CALN1: variants seen among roughly 807,000 people sequenced by gnomAD.
CALN1 encodes calneuron 1.
CALN1 carries 17 observed loss-of-function variants against 30.6 expected under a neutral mutation model. The observed-to-expected ratio is 0.56, with a 90% CI of 0.38 to 0.83. The LOEUF (loss-of-function observed/expected upper bound fraction) is 0.83. Among genes scored for constraint, CALN1 ranks in the 40% least tolerant of loss-of-function variants. The pLI, the probability that CALN1 is intolerant of heterozygous loss-of-function variation, is 0.00. For synonymous variants in CALN1, 156 were observed against 131.4 expected, an observed-to-expected ratio of 1.19 and a Z score of -1.28; for missense variants, 291 against 354.9, an observed-to-expected ratio of 0.82 and a Z score of 1.45.
intron 2 of CALN1, among the ~76,000 whole-genome samples, chr7:72,375,566 A>AG (rs918184266): frequency 2.1e-4 from 10 of 46,654 alleles, no homozygotes; most frequent in Non-Finnish European, 3.6e-4. Context: ...CCCTGCCTCC[A>AG]GGAAAAAAAA....
chr7:72,296,265 C>A (rs1798845906), intron 2 of CALN1, among the ~76,000 whole-genome samples: 2 of 149,406 alleles, frequency 1.3e-5, no homozygotes, highest in Admixed American at 1.3e-4. Context: ...TTCAGTTTGC[C>A]AGTATTTTAT....
intron 4 of CALN1, among the ~76,000 whole-genome samples, chr7:72,053,216 C>T (rs1419069116): frequency 4.6e-5 from 7 of 152,180 alleles, no homozygotes; most frequent in South Asian, 4.2e-4. Context: ...GGTGACAGAG[C>T]GAGACTCTGT....
chr7:72,469,864 T>C, the CALN1 span, among the ~76,000 whole-genome samples: 1 of 152,186 alleles, frequency 6.6e-6, no homozygotes, highest in African/African-American at 2.4e-5. Context: ...GTTCTCCTTT[T>C]CCTAACTGGA....
intron 1 of CALN1, among the ~76,000 whole-genome samples, chr7:72,433,150 G>A (rs1037769312): frequency 2.6e-4 from 40 of 152,176 alleles, no homozygotes; most frequent in South Asian, 8.3e-4. Context: ...TCACTACAAG[G>A]GGGAAAGGAA....
intron 2 of CALN1, among the ~76,000 whole-genome samples, chr7:72,300,171 T>C (rs1352784762): frequency 6.6e-6 from 1 of 152,176 alleles, no homozygotes; most frequent in Non-Finnish European, 1.5e-5. Flanking sequence ...TGAGCCACCA[T>C]GCCCAGCCCT....
intron 2 of CALN1, among the ~76,000 whole-genome samples, chr7:72,313,497 C>T (rs905282211): frequency 7.9e-5 from 12 of 152,064 alleles, no homozygotes; most frequent in African/African-American, 2.9e-4. Flanking sequence ...GCTCAAGCGA[C>T]AGCTCCCAAC....
At chr7:72,421,498 C>A (rs1807606469) in intron 1 of CALN1, among the ~76,000 whole-genome samples, 1 of 150,228 alleles carries the variant, frequency 6.7e-6, no homozygotes, top group East Asian at 2.0e-4. Context: ...CATGAACTCT[C>A]ATGGTGTCAT....
At chr7:72,150,738 C>G (rs1017179838) in intron 3 of CALN1, among the ~76,000 whole-genome samples, 3 of 152,156 alleles carry the variant, frequency 2.0e-5, no homozygotes, top group Non-Finnish European at 4.4e-5. Context: ...TTCTGTGTGT[C>G]TCAGTTTTTT....
intron 5 of CALN1, among the ~76,000 whole-genome samples, chr7:72,006,962 T>C (rs1414242206): frequency 2.0e-5 from 3 of 152,118 alleles, no homozygotes; most frequent in Non-Finnish European, 4.4e-5. Flanking sequence ...ATTAAATCAA[T>C]CCACTCAAGT....
chr7:72,236,325 C>T (rs558696120), intron 3 of CALN1, among the ~76,000 whole-genome samples: 1 of 152,234 alleles, frequency 6.6e-6, no homozygotes, highest in African/African-American at 2.4e-5. Flanking sequence ...ATATAAAATA[C>T]TCAAAGTCGA....
chr7:72,015,501 G>A (rs1267588979), intron 5 of CALN1, among the ~76,000 whole-genome samples: 1 of 151,296 alleles, frequency 6.6e-6, no homozygotes, highest in Admixed American at 6.6e-5. Context: ...GTGAGGTGGT[G>A]CAATCATGGC....
chr7:71,870,528 AAAAG>A (rs1791861318), intron 5 of CALN1, among the ~76,000 whole-genome samples: 4 of 152,344 alleles, frequency 2.6e-5, no homozygotes, highest in Middle Eastern at 3.4e-3. Flanking sequence ...GAAAAGGCTA[AAAAG>A]AAAGATAATA....
At chr7:71,918,339 T>A (rs1184939868) in intron 5 of CALN1, among the ~76,000 whole-genome samples, 1 of 152,188 alleles carries the variant, frequency 6.6e-6, no homozygotes, top group Admixed American at 6.5e-5. Flanking sequence ...AAACAATGCA[T>A]CTGTGTGAAT....
intron 5 of CALN1, among the ~76,000 whole-genome samples, chr7:71,933,611 T>C (rs1562914665): frequency 6.6e-6 from 1 of 152,150 alleles, no homozygotes. Context: ...AGTCACAATT[T>C]TGTGTGGGCA....
intron 4 of CALN1, among the ~76,000 whole-genome samples, chr7:72,090,817 CA>C (rs1158042055): frequency 2.0e-5 from 3 of 152,010 alleles, no homozygotes; most frequent in African/African-American, 7.3e-5. Context: ...TGAAACAAGC[CA>C]AGTGCAGAAA....
intron 6 of CALN1, among the ~76,000 whole-genome samples, chr7:71,798,101 CAGAG>C (rs1442774210): frequency 3.4e-4 from 26 of 76,890 alleles, no homozygotes; most frequent in Admixed American, 8.4e-4. Flanking sequence ...GAGAGAGAGA[CAGAG>C]AGAGACAGAG....
At chr7:72,344,377 G>A (rs975472798) in intron 2 of CALN1, among the ~76,000 whole-genome samples, 7 of 152,064 alleles carry the variant, frequency 4.6e-5, no homozygotes, top group African/African-American at 1.2e-4. Context: ...TACTAAATTA[G>A]AAAAATGTCA....
intron 5 of CALN1, among the ~76,000 whole-genome samples, chr7:71,958,933 C>T (rs975742466): frequency 5.9e-5 from 9 of 152,228 alleles, no homozygotes; most frequent in African/African-American, 2.2e-4. Flanking sequence ...GATCACTTTC[C>T]AACATGCTGC....
intron 2 of CALN1, among the ~76,000 whole-genome samples, chr7:72,381,590 T>C (rs1219973717): frequency 1.3e-5 from 2 of 152,062 alleles, no homozygotes; most frequent in African/African-American, 2.4e-5. Context: ...TTCAGCAAAC[T>C]AACACAGGAA....
Sources: gnomAD v4.1 joint callset for allele counts (sites outside exome capture counted in the v4.1 genomes callset) on GRCh38, gnomAD v4.1.1 for gene constraint, MANE v1.5 for transcripts, NCBI Gene and HGNC (gene_info 2026-07-23, HGNC 2026-07-21) for gene names.